PLCH2: variants seen among roughly 807,000 people sequenced by gnomAD.
PLCH2 encodes 1-phosphatidylinositol 4,5-bisphosphate phosphodiesterase eta-2.
PLCH2 carries 98 observed loss-of-function variants against 134.7 expected under a neutral mutation model. The ratio of observed to expected loss-of-function variants is 0.73; its 90% CI spans 0.62 to 0.86. The LOEUF (loss-of-function observed/expected upper bound fraction) is 0.86. Ranked by LOEUF, PLCH2 falls within the 40% of genes least tolerant of loss-of-function variation. The pLI, the probability that PLCH2 is intolerant of heterozygous loss-of-function variation, is 0.00. For synonymous variants in PLCH2, 974 were observed against 827.5 expected (o/e 1.18, Z -3.04); for missense variants, 1,994 against 1,986.6 (o/e 1.00, Z -0.07).
upstream of PLCH2, among the ~76,000 whole-genome samples, chr1:2,472,445 G>A (rs1011932732): frequency 6.6e-6 from 1 of 152,182 alleles, no homozygotes; most frequent in Non-Finnish European, 1.5e-5. Context: ...GCGAGGGGCA[G>A]GGGGGCGCGG....
At chr1:2,497,765 G>C (rs1037549777) in intron 16 of PLCH2, 156 bp downstream of exon 16, 2 of 561,996 alleles carry the variant, frequency 3.6e-6, no homozygotes, top group African/African-American at 1.9e-5. Context: ...GAAGCTCCCA[G>C]GATGCTGGGG....
chr1:2,472,695 G>A (rs781094018), upstream of PLCH2, among the ~76,000 whole-genome samples: 2 of 152,292 alleles, frequency 1.3e-5, no homozygotes, highest in South Asian at 4.1e-4. Context: ...GCCCAGGGAG[G>A]TCCTTTGAAA....
At chr1:2,495,366 C>T in intron 12 of PLCH2, 122 bp from the exon 13 acceptor site, 1 of 754,996 alleles carries the variant, frequency 1.3e-6, no homozygotes, top group Non-Finnish European at 2.2e-6. Flanking sequence ...GCGGGATGGA[C>T]ATGGGAGGCT....
chr1:2,495,455 G>GCCCAA (rs1558023920), intron 12 of PLCH2, 33 bp from the exon 13 acceptor site: 5 of 1,542,142 alleles, frequency 3.2e-6, no homozygotes, highest in Non-Finnish European at 4.4e-6. Flanking sequence ...TGGGCCAGAG[G>GCCCAA]CCCTACAGCT....
chr1:2,475,299 C>T (rs1325129529), upstream of PLCH2, among the ~76,000 whole-genome samples: 4 of 152,020 alleles, frequency 2.6e-5, no homozygotes, highest in South Asian at 2.1e-4. Context: ...CTGCCCGGAA[C>T]CTTCCAGTCC....
intron 20 of PLCH2, chr1:2,501,717 G>A (rs1035042274): frequency 1.4e-4 from 27 of 199,538 alleles, no homozygotes; most frequent in Middle Eastern, 1.8e-3. Context: ...CCCTGCTAGC[G>A]CCGGGGGCTG....
At chr1:2,490,920 C>T (rs1179817745) in intron 10 of PLCH2, among the ~76,000 whole-genome samples, 1 of 152,256 alleles carries the variant, frequency 6.6e-6, no homozygotes, top group Admixed American at 6.5e-5. Context: ...GACTCCAGAC[C>T]CTGTGCCGCC....
At chr1:2,503,754 G>A in intron 21 of PLCH2, 168 bp from the exon 22 acceptor site, 1 of 616,866 alleles carries the variant, frequency 1.6e-6, no homozygotes, top group South Asian at 1.8e-5. Flanking sequence ...GACACCGAGT[G>A]TGCCGCGCCC....
intron 2 of PLCH2, among the ~76,000 whole-genome samples, chr1:2,453,628 C>G (rs1466882827): frequency 1.3e-5 from 2 of 152,192 alleles, no homozygotes; most frequent in African/African-American, 4.8e-5. Context: ...GCAGGACCCT[C>G]CACCACCCCT....
At chr1:2,466,814 G>A (rs981720751), upstream of PLCH2, among the ~76,000 whole-genome samples, 2 of 152,170 alleles carry the variant, frequency 1.3e-5, no homozygotes, top group African/African-American at 4.8e-5. Context: ...GGACCCCAGC[G>A]CGGGCAGCTC....
chr1:2,502,416 C>T lies in PLCH2; in HGVS notation c.2959+7C>T, dbSNP rs551787907. The T allele has an allele frequency of 1.6e-5, 24 of 1,543,868 alleles. No homozygotes were observed. The highest frequency in any genetic ancestry group is 6.9e-5 in the African/African-American group (5 of 72,902). ...GGCAGCGGCAGCCCCCGAGGTAAGG[C>T]GCCAGCTGCGGTGGCAGAGAAGAGC... On this transcript the variant is annotated splice_region_variant and intron_variant, in intron 21 of 21. Coordinates refer to ENST00000378486, the MANE Select transcript of PLCH2 (RefSeq NM_014638.4).
At position 2,494,955 on chromosome 1, in the gene PLCH2, C is replaced by A; in HGVS notation, c.1752+7C>A. The A allele has an allele frequency of 6.4e-7, 1 of 1,574,560 alleles. No homozygotes were observed. On this transcript the variant is annotated splice_region_variant and intron_variant, in intron 12 of 21. Coordinates refer to ENST00000378486, the MANE Select transcript of PLCH2 (RefSeq NM_014638.4). The stretch of plus-strand genomic sequence containing the variant: ...AAGCTTCTCCAGGCGCAAGGTCCGG[C>A]GCAGCTCCCAGGCCAGGGTCCCGGT...
chr1:2,435,987 TCC>T (rs1231219772), intron 2 of PLCH2, among the ~76,000 whole-genome samples: 1 of 69,556 alleles, frequency 1.4e-5, no homozygotes, highest in Admixed American at 1.5e-4. Context: ...TCCTCCCTTC[TCC>T]CCTCCTCCCT....
intron 4 of PLCH2, among the ~76,000 whole-genome samples, chr1:2,483,770 GGCGCTGACCCC>G (rs1344171176): frequency 2.3e-5 from 3 of 128,984 alleles, no homozygotes; most frequent in South Asian, 2.3e-4. Context: ...CGTTTGGGGG[GGCGCTGACCCC>G]CGTTTGGGGG....
intron 2 of PLCH2, among the ~76,000 whole-genome samples, chr1:2,462,001 G>A (rs999731793): frequency 2.0e-5 from 3 of 151,536 alleles, no homozygotes; most frequent in Admixed American, 1.3e-4. Flanking sequence ...AACTCTGCCT[G>A]CACTGGCTGT....
chr1:2,441,386 G>A (rs1007352407), intron 2 of PLCH2, among the ~76,000 whole-genome samples: 10 of 152,238 alleles, frequency 6.6e-5, no homozygotes, highest in East Asian at 1.9e-4. Flanking sequence ...GGGGCTGAGC[G>A]TGGGGGCATG....
chr1:2,501,714 A>C, intron 20 of PLCH2: 3 of 193,330 alleles, frequency 1.6e-5, no homozygotes, highest in African/African-American at 2.3e-5. Context: ...GTCCCCTGCT[A>C]GCGCCGGGGG....
At position 2,487,732 on chromosome 1, in the gene PLCH2, C is replaced by T; in HGVS notation, c.1235+14C>T. 6.2e-7 allele frequency: 1 copy of T among 1,610,804 alleles called. No homozygotes were observed. Among genetic ancestry groups the T allele is most frequent in the Non-Finnish European group, 8.5e-7 (1 of 1,178,728 alleles). On this transcript the variant is annotated intron_variant, in intron 8 of 21. Transcript: ENST00000378486. ...CATCAAGAATGAGTGAGTGGCTGGG[C>T]CTAGCGGGGCTGGCCCCAGAGGTGG... is the stretch of plus-strand genomic sequence containing the variant.
At chr1:2,427,541 C>T (rs951742724) in intron 1 of PLCH2, among the ~76,000 whole-genome samples, 6 of 152,226 alleles carry the variant, frequency 3.9e-5, no homozygotes, top group African/African-American at 1.4e-4. Flanking sequence ...GAGGCTGAGG[C>T]TCCCACTTCT....
Sources: gnomAD v4.1 joint callset for allele counts (sites outside exome capture counted in the v4.1 genomes callset) on GRCh38, gnomAD v4.1.1 for gene constraint, MANE v1.5 for transcripts, NCBI Gene and HGNC (gene_info 2026-07-23, HGNC 2026-07-21) for gene names.